Variants in SLC9A9 observed in about 807,000 individuals in gnomAD.
The protein encoded by SLC9A9 is solute carrier family 9 member A9.
In SLC9A9, 62 loss-of-function variants were observed where a neutral mutation model predicts 77.8. The ratio of observed to expected loss-of-function variants is 0.80; its 90% CI spans 0.65 to 0.98. The LOEUF (loss-of-function observed/expected upper bound fraction) is 0.98. Among genes scored for constraint, SLC9A9 ranks in the 50% least tolerant of loss-of-function variants. The pLI, the probability that SLC9A9 is intolerant of heterozygous loss-of-function variation, is 0.00. For synonymous variants in SLC9A9, 320 were observed against 283.5 expected, an observed-to-expected ratio of 1.13 and a Z score of -1.29; for missense variants, 775 against 774.9, an observed-to-expected ratio of 1.00 and a Z score of 0.00.
chr3:143,280,156 C>T (rs1451521889), intron 14 of SLC9A9, among the ~76,000 whole-genome samples: 2 of 151,248 alleles, frequency 1.3e-5, no homozygotes, highest in Admixed American at 6.6e-5. Flanking sequence ...TTCTCCGGTC[C>T]CTGGGTGTTC....
At chr3:143,703,998 C>T (rs1933880748) in intron 4 of SLC9A9, among the ~76,000 whole-genome samples, 1 of 152,138 alleles carries the variant, frequency 6.6e-6, no homozygotes, top group Non-Finnish European at 1.5e-5. Context: ...ATACAACCTA[C>T]CAAACTTGAA....
chr3:143,438,927 C>T (rs2108542772), intron 12 of SLC9A9, among the ~76,000 whole-genome samples: 1 of 152,332 alleles, frequency 6.6e-6, no homozygotes, highest in East Asian at 1.9e-4. Context: ...CAATAATATG[C>T]TGCTTCCTGT....
chr3:143,668,025 C>T (rs2039098549), intron 5 of SLC9A9, among the ~76,000 whole-genome samples: 1 of 152,150 alleles, frequency 6.6e-6, no homozygotes, highest in African/African-American at 2.4e-5. Context: ...CATAAAGACA[C>T]ATGCACACGT....
chr3:143,339,166 A>G (rs887364923), intron 14 of SLC9A9, among the ~76,000 whole-genome samples: 3 of 152,200 alleles, frequency 2.0e-5, no homozygotes, highest in Admixed American at 2.0e-4. Flanking sequence ...CAATGGTGGC[A>G]ATCAACATCA....
At chr3:143,775,179 G>T (rs1159974251) in intron 4 of SLC9A9, among the ~76,000 whole-genome samples, 1 of 152,024 alleles carries the variant, frequency 6.6e-6, no homozygotes, top group Non-Finnish European at 1.5e-5. Flanking sequence ...TTTAGCCCTG[G>T]GAAAACCTTA....
At chr3:143,587,437 G>A (rs2037561529) in intron 6 of SLC9A9, among the ~76,000 whole-genome samples, 1 of 152,240 alleles carries the variant, frequency 6.6e-6, no homozygotes, top group Non-Finnish European at 1.5e-5. Context: ...ATTATTAAGT[G>A]GAGTCCTGAA....
chr3:143,672,531 A>T (rs912940735), intron 5 of SLC9A9, among the ~76,000 whole-genome samples: 11 of 152,200 alleles, frequency 7.2e-5, no homozygotes, highest in Admixed American at 7.2e-4. Context: ...TAAATATTTA[A>T]ACCTGGAGTT....
chr3:143,818,513 G>A (rs2009079553), intron 2 of SLC9A9, among the ~76,000 whole-genome samples: 3 of 151,920 alleles, frequency 2.0e-5, no homozygotes, highest in Non-Finnish European at 4.4e-5. Context: ...CACCATGTTG[G>A]CCAGGCTCGT....
chr3:143,774,707 T>TAAC (rs1466090538), intron 4 of SLC9A9, among the ~76,000 whole-genome samples: 1,743 of 134,946 alleles, frequency 0.013, 24 homozygotes, highest in African/African-American at 0.046. Context: ...GAACTATACA[T>TAAC]TGTAATATCT....
intron 14 of SLC9A9, among the ~76,000 whole-genome samples, chr3:143,362,012 A>T (rs1304640464): frequency 6.6e-6 from 1 of 152,214 alleles, no homozygotes; most frequent in East Asian, 1.9e-4. Flanking sequence ...AATTTTGAAC[A>T]AACTGAGTTA....
intron 11 of SLC9A9, among the ~76,000 whole-genome samples, chr3:143,470,303 A>T (rs1401843284): frequency 1.3e-5 from 2 of 151,924 alleles, no homozygotes; most frequent in Non-Finnish European, 2.9e-5. Flanking sequence ...ACATAGTAAA[A>T]CCCTGCCTCT....
At chr3:143,712,343 A>G (rs1934220629) in intron 4 of SLC9A9, among the ~76,000 whole-genome samples, 1 of 152,240 alleles carries the variant, frequency 6.6e-6, no homozygotes, top group South Asian at 2.1e-4. Flanking sequence ...CTCTTCCTTT[A>G]TGAAACTGAG....
intron 1 of SLC9A9, 139 bp downstream of exon 1, chr3:143,848,009 G>T: frequency 1.1e-6 from 1 of 896,850 alleles, no homozygotes; most frequent in Non-Finnish European, 1.8e-6. Context: ...CATTCGTTAC[G>T]CTGCAGCACC....
At chr3:143,782,393 C>A (rs1166517629) in intron 4 of SLC9A9, among the ~76,000 whole-genome samples, 4 of 152,186 alleles carry the variant, frequency 2.6e-5, no homozygotes, top group Non-Finnish European at 5.9e-5. Context: ...TGAAACTCTG[C>A]ATTTCTAACA....
chr3:143,503,236 C>T (rs754635469), intron 9 of SLC9A9: 18 of 219,662 alleles, frequency 8.2e-5, no homozygotes, highest in South Asian at 6.5e-5. Flanking sequence ...CAGCTGAGGG[C>T]CTCTCTTTTA....
At chr3:143,801,630 T>C (rs1307942916) in intron 2 of SLC9A9, among the ~76,000 whole-genome samples, 1 of 152,174 alleles carries the variant, frequency 6.6e-6, no homozygotes, top group Non-Finnish European at 1.5e-5. Context: ...TTCCTCACCC[T>C]GATCACATTT....
rs192478650 is a variant in SLC9A9 at position 143,802,270 on chromosome 3, C to T, written c.379-5367G>A. ...AACCTCTTCCATGTAAGTTACAAGC[C>T]GCTAGCCCGCCTCTTAGAATCTCTA... On this transcript the variant is annotated intron_variant, in intron 2 of 15. Transcript: ENST00000316549. Among the ~76,000 whole-genome samples, 291 of 152,272 alleles carry T rather than the reference C, an allele frequency of 1.9e-3. 1 individual carries two copies. The highest frequency in any genetic ancestry group is 6.7e-3 in the African/African-American group (280 of 41,556).
intron 4 of SLC9A9, among the ~76,000 whole-genome samples, chr3:143,738,737 A>G (rs1419451171): frequency 6.6e-6 from 1 of 152,200 alleles, no homozygotes; most frequent in Non-Finnish European, 1.5e-5. Context: ...GAAGTCCCCA[A>G]GACCCACTTT....
At chr3:143,361,731 A>G (rs1248362976) in intron 14 of SLC9A9, among the ~76,000 whole-genome samples, 2 of 152,206 alleles carry the variant, frequency 1.3e-5, no homozygotes, top group Non-Finnish European at 2.9e-5. Context: ...TCTATCTATA[A>G]TCATATGGAA....
Sources: gnomAD v4.1 joint callset for allele counts (sites outside exome capture counted in the v4.1 genomes callset) on GRCh38, gnomAD v4.1.1 for gene constraint, MANE v1.5 for transcripts, NCBI Gene and HGNC (gene_info 2026-07-23, HGNC 2026-07-21) for gene names.